Variants in RALB observed in about 807,000 individuals in gnomAD.
RALB encodes the protein ras-related protein Ral-B.
A neutral mutation model predicts 21.3 loss-of-function variants in RALB; 16 were observed. The observed-to-expected ratio is 0.75, with a 90% CI of 0.51 to 1.14. The LOEUF (loss-of-function observed/expected upper bound fraction) is 1.14. Ranked by LOEUF, RALB falls within the 50% of genes most tolerant of loss-of-function variation. The pLI is 0.00. For synonymous variants in RALB, 93 were observed against 96.1 expected (o/e 0.97, Z 0.19); for missense variants, 161 against 256.2 (o/e 0.63, Z 2.54).
At chr2:120,240,291 TTA>T (rs1688873136) in intron 1 of RALB, among the ~76,000 whole-genome samples, 43 of 142,544 alleles carry the variant, frequency 3.0e-4, no homozygotes, top group African/African-American at 3.7e-4. Context: ...ATTTTTATTT[TTA>T]TTTTTTTTTG....
At chr2:120,269,810 AT>A (rs1407366805) in intron 1 of RALB, among the ~76,000 whole-genome samples, 1 of 152,232 alleles carries the variant, frequency 6.6e-6, no homozygotes, top group African/African-American at 2.4e-5. Context: ...TATTCTTGTA[AT>A]TATATCCTTA....
intron 1 of RALB, among the ~76,000 whole-genome samples, chr2:120,258,328 G>A (rs1467384047): frequency 6.6e-6 from 1 of 152,314 alleles, no homozygotes; most frequent in African/African-American, 2.4e-5. Flanking sequence ...TTTCTTGAGT[G>A]GACTTTGCTT....
chr2:120,272,337 G>A (rs1689683740), intron 1 of RALB, among the ~76,000 whole-genome samples: 1 of 152,338 alleles, frequency 6.6e-6, no homozygotes, highest in Admixed American at 6.5e-5. Flanking sequence ...AGTGGGGGAA[G>A]TCTAATTGCT....
At chr2:120,287,695 C>G (rs1376878497) in intron 3 of RALB, among the ~76,000 whole-genome samples, 1 of 152,242 alleles carries the variant, frequency 6.6e-6, no homozygotes, top group African/African-American at 2.4e-5. Flanking sequence ...ACAGATAGCA[C>G]TCGGGCGTTC....
chr2:120,272,855 G>T (rs996429976), intron 1 of RALB, among the ~76,000 whole-genome samples: 1 of 152,072 alleles, frequency 6.6e-6, no homozygotes, highest in Non-Finnish European at 1.5e-5. Flanking sequence ...TTCTGCCATA[G>T]AATTTATTAT....
chr2:120,262,142 G>A (rs1368724483), intron 1 of RALB, among the ~76,000 whole-genome samples: 2 of 152,186 alleles, frequency 1.3e-5, no homozygotes, highest in African/African-American at 2.4e-5. Flanking sequence ...CAGGAAGTCT[G>A]TAGCTGATAG....
chr2:120,247,349 T>C (rs1258934302), intron 1 of RALB, among the ~76,000 whole-genome samples: 1 of 152,226 alleles, frequency 6.6e-6, no homozygotes, highest in Non-Finnish European at 1.5e-5. Context: ...TTTTTCCTAA[T>C]GTGTTTCCCA....
chr2:120,240,135 C>T (rs767098297), intron 1 of RALB: 185 of 1,289,642 alleles, frequency 1.4e-4, no homozygotes, highest in Admixed American at 3.9e-4. Context: ...GGTGGGTGCC[C>T]GCCCTCGGTG....
At chr2:120,285,339 A>G (rs750697182) in intron 2 of RALB, among the ~76,000 whole-genome samples, 1 of 152,186 alleles carries the variant, frequency 6.6e-6, no homozygotes, top group Non-Finnish European at 1.5e-5. Flanking sequence ...TCGGATTACA[A>G]CCTAAATGAT....
chr2:120,286,644 T>C (rs888071694), intron 3 of RALB, among the ~76,000 whole-genome samples: 2 of 152,216 alleles, frequency 1.3e-5, no homozygotes, highest in Non-Finnish European at 2.9e-5. Flanking sequence ...GTTTACTTAG[T>C]GTCAGGATTT....
At position 120,288,047 on chromosome 2, in the gene RALB, T is replaced by C. The variant is rs1442025047; in HGVS notation, c.324-1533T>C. The stretch of plus-strand genomic sequence containing the variant: ...CTGGAAAATATTTTATGAACTAAGA[T>C]AAGTTCTGTCATAAGAGACCAGAAC... On this transcript the variant is annotated intron_variant, in intron 3 of 4. Coordinates refer to ENST00000272519, the MANE Select transcript of RALB (RefSeq NM_002881.3). 2.6e-5 allele frequency among the ~76,000 whole-genome samples: 4 copies of C among 152,364 alleles called. No individual in the cohort carries two copies. In the East Asian group the frequency reaches 7.7e-4, roughly 29 times the overall value.
intron 1 of RALB, among the ~76,000 whole-genome samples, chr2:120,275,727 A>G (rs1689776267): frequency 6.6e-6 from 1 of 152,146 alleles, no homozygotes; most frequent in Admixed American, 6.5e-5. Context: ...ACCATGTTGT[A>G]GTTAGAATGA....
intron 2 of RALB, among the ~76,000 whole-genome samples, chr2:120,282,196 G>A (rs1690005539): frequency 6.6e-6 from 1 of 152,108 alleles, no homozygotes; most frequent in African/African-American, 2.4e-5. Context: ...TACAGAGCTG[G>A]GGCCGGGCGC....
intron 1 of RALB, among the ~76,000 whole-genome samples, chr2:120,257,707 C>T (rs765247021): frequency 1.1e-4 from 16 of 152,210 alleles, no homozygotes; most frequent in Non-Finnish European, 2.4e-4. Context: ...CCTCTGCTTC[C>T]TATTTTTGGC....
intron 1 of RALB, among the ~76,000 whole-genome samples, chr2:120,260,060 A>AGCCCAC (rs1461533219): frequency 6.6e-6 from 1 of 152,208 alleles, no homozygotes; most frequent in African/African-American, 2.4e-5. Context: ...GGGCCCACCA[A>AGCCCAC]GCCCACGCCC....
intron 1 of RALB, among the ~76,000 whole-genome samples, chr2:120,243,817 T>G (rs961099831): frequency 1.3e-5 from 2 of 152,170 alleles, no homozygotes; most frequent in African/African-American, 4.8e-5. Context: ...ATGTGGCAAG[T>G]CTAGTCTTAG....
intron 2 of RALB, among the ~76,000 whole-genome samples, chr2:120,284,112 G>A (rs1355477609): frequency 1.3e-5 from 2 of 152,092 alleles, no homozygotes; most frequent in African/African-American, 4.8e-5. Flanking sequence ...TTTTCTTTTT[G>A]GAAAGGAGTT....
At chr2:120,290,015 T>C (rs1009300847) in intron 4 of RALB, among the ~76,000 whole-genome samples, 1 of 152,216 alleles carries the variant, frequency 6.6e-6, no homozygotes, top group African/African-American at 2.4e-5. Context: ...TTTGGGTTTT[T>C]CTTTTTTGAG....
chr2:120,274,622 A>G (rs1442485242), intron 1 of RALB, among the ~76,000 whole-genome samples: 1 of 152,250 alleles, frequency 6.6e-6, no homozygotes, highest in African/African-American at 2.4e-5. Context: ...AGGTATAGAT[A>G]AAATTCTGGT....
Sources: allele counts gnomAD v4.1 joint callset (sites outside exome capture counted in the v4.1 genomes callset), GRCh38; gene constraint gnomAD v4.1.1; transcripts MANE v1.5; gene names NCBI Gene and HGNC (gene_info 2026-07-23, HGNC 2026-07-21).